The following EVI5 variants were observed in gnomAD, a reference collection of about 807,000 sequenced individuals.
EVI5 encodes ecotropic viral integration site 5, also known as ecotropic viral integration site 5 protein homolog.
EVI5 carries 73 observed loss-of-function variants against 112.0 expected under a neutral mutation model. The ratio of observed to expected loss-of-function variants is 0.65; its 90% CI spans 0.54 to 0.79. The LOEUF is 0.79. Ranked by LOEUF, EVI5 falls within the 30% of genes least tolerant of loss-of-function variation. The probability of loss-of-function intolerance (pLI) is 0.00; values close to 1 mark genes in which losing one functional copy is unlikely to be tolerated. For missense variants in EVI5, 900 were observed against 968.8 expected (o/e 0.93, Z 0.94); for synonymous variants, 305 against 319.9 (o/e 0.95, Z 0.50).
At chr1:92,546,747 A>G (rs1216774353) in intron 19 of EVI5, among the ~76,000 whole-genome samples, 1 of 152,142 alleles carries the variant, frequency 6.6e-6, no homozygotes, top group Non-Finnish European at 1.5e-5. Context: ...CAAAAGAGAC[A>G]AAGAAGGCCA....
intron 13 of EVI5, among the ~76,000 whole-genome samples, chr1:92,645,948 C>T (rs1258792726): frequency 1.3e-5 from 2 of 152,172 alleles, no homozygotes; most frequent in African/African-American, 4.8e-5. Flanking sequence ...CTGATCAAGA[C>T]ATGCCCAACC....
At chr1:92,560,806 C>T (rs905781961) in intron 19 of EVI5, among the ~76,000 whole-genome samples, 5 of 151,936 alleles carry the variant, frequency 3.3e-5, no homozygotes, top group African/African-American at 1.2e-4. Flanking sequence ...CTAAAGTGAC[C>T]CTCCAACCTC....
chr1:92,576,285 A>C (rs1484234841), intron 18 of EVI5, among the ~76,000 whole-genome samples: 1 of 152,228 alleles, frequency 6.6e-6, no homozygotes, highest in Non-Finnish European at 1.5e-5. Context: ...TTGTATATGT[A>C]CATTAAAAGT....
intron 18 of EVI5, among the ~76,000 whole-genome samples, chr1:92,576,922 T>G (rs911835318): frequency 1.3e-5 from 2 of 152,170 alleles, no homozygotes; most frequent in Non-Finnish European, 2.9e-5. Flanking sequence ...ATTTAAAACT[T>G]GTCAGAAACC....
chr1:92,644,144 GGA>G (rs1660506518), intron 13 of EVI5, among the ~76,000 whole-genome samples: 1 of 152,258 alleles, frequency 6.6e-6, no homozygotes, highest in South Asian at 2.1e-4. Context: ...CTTTTACAAG[GGA>G]GAGAGTCTGG....
chr1:92,685,838 C>T (rs1365104253), intron 9 of EVI5, among the ~76,000 whole-genome samples: 3 of 152,168 alleles, frequency 2.0e-5, no homozygotes, highest in African/African-American at 7.2e-5. Flanking sequence ...CCTCCCAAGA[C>T]TAAACCAGGA....
intron 1 of EVI5, among the ~76,000 whole-genome samples, chr1:92,746,523 C>T (rs1483240346): frequency 2.3e-4 from 35 of 152,086 alleles, no homozygotes; most frequent in Non-Finnish European, 7.4e-5. Context: ...GTCAGGAGCT[C>T]GAGATCAGTC....
At chr1:92,790,192 G>T (rs778310562) in intron 1 of EVI5, among the ~76,000 whole-genome samples, 1 of 152,140 alleles carries the variant, frequency 6.6e-6, no homozygotes, top group Non-Finnish European at 1.5e-5. Flanking sequence ...TGGCACAACT[G>T]TAGCTATTCT....
chr1:92,718,732 CA>C (rs898862848), intron 2 of EVI5, among the ~76,000 whole-genome samples: 1 of 151,642 alleles, frequency 6.6e-6, no homozygotes, highest in East Asian at 1.9e-4. Flanking sequence ...AAAAACCCTT[CA>C]AAAAAAATCG....
intron 1 of EVI5, among the ~76,000 whole-genome samples, chr1:92,746,806 A>C (rs1435291014): frequency 6.6e-6 from 1 of 151,708 alleles, no homozygotes; most frequent in Non-Finnish European, 1.5e-5. Flanking sequence ...CTAAGGCGGG[A>C]GGATCACTTG....
At chr1:92,785,417 C>T (rs1311491503), upstream of EVI5, among the ~76,000 whole-genome samples, 1 of 152,254 alleles carries the variant, frequency 6.6e-6, no homozygotes, top group Non-Finnish European at 1.5e-5. Flanking sequence ...CGCGCTGCCG[C>T]ACCGACGCGG....
intron 1 of EVI5, among the ~76,000 whole-genome samples, chr1:92,767,305 CT>C (rs1682786362): frequency 6.6e-6 from 1 of 152,110 alleles, no homozygotes; most frequent in South Asian, 2.1e-4. Context: ...TAATATTTGA[CT>C]AGTAATAATT....
chr1:92,724,582 C>T (rs748930900), intron 2 of EVI5, among the ~76,000 whole-genome samples: 24 of 152,150 alleles, frequency 1.6e-4, no homozygotes, highest in Non-Finnish European at 3.1e-4. Flanking sequence ...CCAAGGTGGG[C>T]AGATTGCTTC....
intron 19 of EVI5, among the ~76,000 whole-genome samples, chr1:92,541,187 T>C (rs1301620075): frequency 6.6e-6 from 1 of 152,212 alleles, no homozygotes; most frequent in African/African-American, 2.4e-5. Context: ...GTCATATAGT[T>C]GTTTCAGTTT....
At chr1:92,520,679 T>C (rs1351190459) in intron 19 of EVI5, among the ~76,000 whole-genome samples, 1 of 151,796 alleles carries the variant, frequency 6.6e-6, no homozygotes, top group Admixed American at 6.6e-5. Flanking sequence ...TGTGAGACCC[T>C]GTCTCTACAA....
intron 16 of EVI5, among the ~76,000 whole-genome samples, chr1:92,608,551 A>T (rs1650988336): frequency 6.6e-6 from 1 of 152,086 alleles, no homozygotes; most frequent in African/African-American, 2.4e-5. Context: ...TAAAAATACA[A>T]AAATTAGTCA....
At chr1:92,683,847 G>C (rs1462083760) in intron 9 of EVI5, among the ~76,000 whole-genome samples, 2 of 151,820 alleles carry the variant, frequency 1.3e-5, no homozygotes, top group Non-Finnish European at 2.9e-5. Context: ...GACAAGATGA[G>C]AGAAAAAAAG....
chr1:92,777,944 T>C (rs1395404136), intron 1 of EVI5, among the ~76,000 whole-genome samples: 1 of 149,668 alleles, frequency 6.7e-6, no homozygotes, highest in African/African-American at 2.5e-5. Flanking sequence ...AGTGTCACTC[T>C]GTCGCCAGGC....
At chr1:92,634,840 C>T (rs1477999396) in intron 14 of EVI5, among the ~76,000 whole-genome samples, 7 of 152,166 alleles carry the variant, frequency 4.6e-5, no homozygotes, top group Admixed American at 2.6e-4. Flanking sequence ...ATGGTGGTGA[C>T]GTACAGATGG....
Sources: allele counts gnomAD v4.1 joint callset (sites outside exome capture counted in the v4.1 genomes callset), GRCh38; gene constraint gnomAD v4.1.1; transcripts MANE v1.5; gene names NCBI Gene and HGNC (gene_info 2026-07-23, HGNC 2026-07-21).